The following SEC24D variants were observed in gnomAD, a reference collection of about 807,000 sequenced individuals.
SEC24D encodes SEC24 homolog D, COPII component.
A neutral mutation model predicts 116.9 loss-of-function variants in SEC24D; 69 were observed. That is an observed-to-expected ratio of 0.59 (90% confidence interval 0.49 to 0.72). SEC24D has a LOEUF of 0.72. Ranked by LOEUF, SEC24D falls within the 30% of genes least tolerant of loss-of-function variation. The pLI is 0.00. For missense variants in SEC24D, 1,131 were observed against 1,264.1 expected, an observed-to-expected ratio of 0.89 and a Z score of 1.60; for synonymous variants, 405 against 442.8, an observed-to-expected ratio of 0.91 and a Z score of 1.07.
chr4:118,800,526 T>C (rs890538205), intron 7 of SEC24D, among the ~76,000 whole-genome samples: 7 of 152,214 alleles, frequency 4.6e-5, no homozygotes, highest in Non-Finnish European at 1.0e-4. Flanking sequence ...GACAATTAAT[T>C]CAAATAGAAA....
intron 22 of SEC24D, among the ~76,000 whole-genome samples, chr4:118,726,546 G>C (rs1047491548): frequency 6.6e-6 from 1 of 152,162 alleles, no homozygotes; most frequent in African/African-American, 2.4e-5. Context: ...TTTGTAGAAT[G>C]AATGAGGAAA....
Position 118,817,356 on chromosome 4 carries a change from G to C in SEC24D, c.305C>G (p.Pro102Arg), listed in dbSNP as rs762768476. Residue 102 changes from proline to arginine, a missense_variant, in exon 4 of 23, where the codon CCC (proline) becomes CGC (arginine). Coordinates refer to ENST00000280551, the MANE Select transcript of SEC24D (RefSeq NM_014822.4). The part of the protein sequence containing the change: ...NVASSHAPYQ[P>R]SAQSSYPGPI... Reference sequence around the variant, plus strand: ...ACCTGGATAAGAAGATTGTGCAGAGGGTTGGTATGGTGCATGTGAGGATGC... The same window carrying C: ...ACCTGGATAAGAAGATTGTGCAGAGCGTTGGTATGGTGCATGTGAGGATGC... 5.6e-6 allele frequency: 9 copies of C among 1,613,854 alleles called. No homozygotes were observed. The highest frequency in any genetic ancestry group is 5.9e-6 in the Non-Finnish European group (7 of 1,179,842).
chr4:118,732,657 T>C (rs1725750288), intron 20 of SEC24D, 76 bp downstream of exon 20: 4 of 1,343,642 alleles, frequency 3.0e-6, no homozygotes, highest in East Asian at 4.6e-5. Flanking sequence ...ATATTTCAGA[T>C]ATAACATACG....
chr4:118,761,719 C>T (rs1450533719), intron 10 of SEC24D, among the ~76,000 whole-genome samples: 1 of 152,218 alleles, frequency 6.6e-6, no homozygotes. Context: ...ACTTCATCTA[C>T]AATGTCTGCC....
In SEC24D at chr4:118,833,748, G is replaced by A; in HGVS notation, c.-41-11C>T. 2 of 1,217,272 alleles carry A rather than the reference G, an allele frequency of 1.6e-6. No homozygotes were observed. Among genetic ancestry groups the A allele is most frequent in the Non-Finnish European group, 2.4e-6 (2 of 838,722 alleles). The allele number at this position is 1,217,272 out of a possible 1,614,324, so 75.4% of individuals were successfully genotyped here. On this transcript the variant is annotated splice_polypyrimidine_tract_variant and intron_variant, in intron 1 of 22. Coordinates refer to ENST00000280551, the MANE Select transcript of SEC24D (RefSeq NM_014822.4). ...TTCTACAAAAGAAGTCTGCAACAGA[G>A]AAACAAGAAACATGTTACCAAGACA...
At chr4:118,827,730 T>A (rs1393238663) in intron 2 of SEC24D, among the ~76,000 whole-genome samples, 1 of 152,184 alleles carries the variant, frequency 6.6e-6, no homozygotes. Flanking sequence ...TGCATGGGAA[T>A]GTTCATTTTC....
chr4:118,825,742 T>C, intron 2 of SEC24D: 1 of 376,498 alleles, frequency 2.7e-6, no homozygotes, highest in South Asian at 2.1e-5. Context: ...ACTTGCTTGT[T>C]TTCCCTCATT....
chr4:118,825,533 T>TTAGA, intron 2 of SEC24D: 1 of 455,702 alleles, frequency 2.2e-6, no homozygotes, highest in South Asian at 1.6e-5. Flanking sequence ...TGGGCTTGGG[T>TTAGA]TAGAGTAGTT....
At chr4:118,792,768 C>T (rs1228495573) in intron 8 of SEC24D, among the ~76,000 whole-genome samples, 1 of 152,124 alleles carries the variant, frequency 6.6e-6, no homozygotes, top group Admixed American at 6.6e-5. Flanking sequence ...GGCGGCAGGG[C>T]CCTCTGCCTA....
At chr4:118,765,695 GAAC>G (rs1727608973) in intron 9 of SEC24D, among the ~76,000 whole-genome samples, 1 of 152,030 alleles carries the variant, frequency 6.6e-6, no homozygotes, top group South Asian at 2.1e-4. Flanking sequence ...TTTTTGTAAA[GAAC>G]AACATTGCCA....
rs760992645 is a variant in SEC24D at position 118,732,697 on chromosome 4, C to T, written c.2676+36G>A. 8 of 1,589,412 alleles carry T rather than the reference C, an allele frequency of 5.0e-6. No homozygotes were observed. In the African/African-American group the frequency reaches 6.7e-5, roughly 13 times the overall value. On this transcript the variant is annotated intron_variant, in intron 20 of 22. Transcript: ENST00000280551. ...AGCACAAAATATGATTCCCTTCCAGCCTCCTCTGGGAAATGCACCACCCCA... is the reference window on the plus strand; with the variant it reads ...AGCACAAAATATGATTCCCTTCCAGTCTCCTCTGGGAAATGCACCACCCCA...
In SEC24D at chr4:118,833,623, T is replaced by C. The variant is rs781567013; in HGVS notation, c.74A>G (p.His25Arg). Residue 25 changes from histidine (H) to arginine (R), a missense_variant, in exon 2 of 23, where the codon CAT becomes CGT. His to Arg is a conservative substitution (Grantham distance 29, BLOSUM62 0). Transcript: ENST00000280551. ...CGACGGATCCCCATAGTGCCCATAATGAGGTGGAGAAAGGCCTATTCCAGG... is the reference window on the plus strand; with the variant it reads ...CGACGGATCCCCATAGTGCCCATAACGAGGTGGAGAAAGGCCTATTCCAGG... ...PQPGIGLSPP[H>R]YGHYGDPSHT... is the part of the protein sequence containing the mutation. 6.2e-7 allele frequency: 1 copy of C among 1,613,914 alleles called. No individual in the cohort carries two copies. The highest frequency in any genetic ancestry group is 1.3e-5 in the African/African-American group (1 of 74,886).
intron 17 of SEC24D, 127 bp downstream of exon 17, chr4:118,740,536 G>T: frequency 9.8e-7 from 1 of 1,023,600 alleles, no homozygotes; most frequent in South Asian, 1.7e-5. Context: ...ACTGACTTTT[G>T]ACTTTGGAGA....
Position 118,738,469 on chromosome 4 carries a change from A to G in SEC24D, c.2378-90T>C, listed in dbSNP as rs1726078194. 3 of 877,538 alleles carry G rather than the reference A, an allele frequency of 3.4e-6. No individual in the cohort carries two copies. The South Asian group carries it at 4.1e-5, about 12-fold the overall frequency. 54.4% of individuals were successfully genotyped at this position (877,538 alleles called of 1,614,324 possible). On this transcript the variant is annotated intron_variant, in intron 18 of 22. Coordinates refer to ENST00000280551, the MANE Select transcript of SEC24D (RefSeq NM_014822.4). ...AAACAAAAAAGAACAAGTTGCTATT[A>G]TCTTCAGACCACCCAGCAAGAATAA...
intron 8 of SEC24D, among the ~76,000 whole-genome samples, chr4:118,788,507 A>G (rs1728750161): frequency 6.6e-6 from 1 of 152,230 alleles, no homozygotes; most frequent in Non-Finnish European, 1.5e-5. Context: ...AATTCATCCA[A>G]TTGTTTTACT....
intron 8 of SEC24D, among the ~76,000 whole-genome samples, chr4:118,773,589 G>T (rs755889299): frequency 6.6e-6 from 1 of 152,198 alleles, no homozygotes; most frequent in Non-Finnish European, 1.5e-5. Context: ...CATGGAAATG[G>T]TATGTGAAAA....
intron 20 of SEC24D, among the ~76,000 whole-genome samples, chr4:118,732,299 G>C (rs1393125168): frequency 6.6e-6 from 1 of 151,914 alleles, no homozygotes; most frequent in African/African-American, 2.4e-5. Flanking sequence ...ACCACGCCCG[G>C]CTAATTTTTT....
At chr4:118,798,641 C>T (rs943514285) in intron 7 of SEC24D, among the ~76,000 whole-genome samples, 7 of 152,032 alleles carry the variant, frequency 4.6e-5, no homozygotes, top group Non-Finnish European at 8.8e-5. Flanking sequence ...GAATATTACG[C>T]CTAATAAAAG....
At chr4:118,767,176 T>C (rs1334297249) in intron 9 of SEC24D, among the ~76,000 whole-genome samples, 1 of 152,176 alleles carries the variant, frequency 6.6e-6, no homozygotes, top group Admixed American at 6.5e-5. Context: ...CGCCCTAAGT[T>C]GGGTAAAGCC....
Sources: gnomAD v4.1 joint callset for allele counts (sites outside exome capture counted in the v4.1 genomes callset) on GRCh38, gnomAD v4.1.1 for gene constraint, MANE v1.5 for transcripts, NCBI Gene and HGNC (gene_info 2026-07-23, HGNC 2026-07-21) for gene names.